ERICH4: variants seen among roughly 807,000 people sequenced by gnomAD.
The protein encoded by ERICH4 is glutamate rich 4.
Under a neutral mutation model 5.2 loss-of-function variants are expected in ERICH4, and 4 were observed. That is an observed-to-expected ratio of 0.77 (90% CI 0.38 to 1.76). ERICH4 has a LOEUF of 1.76. ERICH4 is among the 40% of genes most tolerant of loss of function. The pLI is 0.04. For missense variants in ERICH4, 164 were observed against 159.8 expected (o/e 1.03, Z -0.14); for synonymous variants, 75 against 68.7 (o/e 1.09, Z -0.45).
rs532054835 is a variant in ERICH4, at chr19:41,444,741, A to G, written c.*517A>G. 6.4e-6 allele frequency: 1 copy of G among 157,096 alleles called. No individual in the cohort carries two copies. The highest frequency in any genetic ancestry group is 2.4e-5 in the African/African-American group (1 of 41,578). The allele number at this position is 157,096 out of a possible 1,614,324, so 9.7% of individuals were successfully genotyped here. The stretch of plus-strand genomic sequence containing the variant: ...ATAATAATATTTTGAGCATATCAGT[A>G]TTAGTAAAAATATTACTAAAATTAT... On this transcript the variant is annotated 3_prime_UTR_variant, in exon 2 of 2. Transcript: ENST00000378187.
Position 41,443,323 on chromosome 19 carries a change from C to T in ERICH4, c.154C>T (p.Leu52=). The change falls in exon 1 of 2, where the codon CTG becomes TTG. Residue 52 remains leucine (L), a synonymous_variant. Coordinates refer to ENST00000378187, the MANE Select transcript of ERICH4 (RefSeq NM_001130514.3). Reference sequence around the variant, plus strand: ...CACTGGAGGTGCCTGCGATAGTCTGCTGTGGATCAGGGAGGAGCTGGTGAG... The same window carrying T: ...CACTGGAGGTGCCTGCGATAGTCTGTTGTGGATCAGGGAGGAGCTGGTGAG... ...ADTGGACDSL[L]WIREELGNLR... is the part of the protein sequence containing the mutation. 7.7e-7 allele frequency: 1 copy of T among 1,297,908 alleles called. No individual in the cohort carries two copies. The highest frequency in any genetic ancestry group is 9.9e-7 in the Non-Finnish European group (1 of 1,011,924). 80.4% of individuals were successfully genotyped at this position (1,297,908 alleles called of 1,614,324 possible).
intron 1 of ERICH4, 167 bp from the exon 2 acceptor site, chr19:41,443,839 G>A: frequency 1.7e-6 from 1 of 598,922 alleles, no homozygotes; most frequent in Middle Eastern, 4.4e-4. Context: ...TAGAGATCAA[G>A]AGACACTCTG....
At position 41,444,466 on chromosome 19, in the gene ERICH4, G is replaced by A. The variant is rs1425655276; in HGVS notation, c.*242G>A. 1.1e-5 allele frequency: 6 copies of A among 562,878 alleles called. No homozygotes were observed. The highest frequency in any genetic ancestry group is 5.6e-5 in the African/African-American group (3 of 53,156). The allele number at this position is 562,878 out of a possible 1,614,324, so 34.9% of individuals were successfully genotyped here. A position where few individuals can be genotyped will look rare whatever the true frequency, so the allele number is the denominator to read the frequency against. On this transcript the variant is annotated 3_prime_UTR_variant, in exon 2 of 2. Transcript: ENST00000378187. ...TTGTAGAGAAGTTGCAGGTGCTTTCGCAGATGAGCCTCAGGTGTGCTGCTG... is the reference window on the plus strand; with the variant it reads ...TTGTAGAGAAGTTGCAGGTGCTTTCACAGATGAGCCTCAGGTGTGCTGCTG...
intron 1 of ERICH4, 146 bp downstream of exon 1, chr19:41,443,489 CAGACAT>C (rs2040135237): frequency 3.0e-6 from 2 of 657,626 alleles, no homozygotes; most frequent in African/African-American, 3.8e-5. Flanking sequence ...CACCGAGAGA[CAGACAT>C]AGAGTGAGGG....
In ERICH4 at chr19:41,443,193, T is replaced by G; in HGVS notation, c.24T>G (p.Asn8Lys). MELWRQLNQAGLVPPGLG... is the reference protein window; with the variant it reads MELWRQLKQAGLVPPGLG... ...CGATGGAACTGTGGAGGCAGCTGAA[T>G]CAGGCTGGACTGGTGCCTCCGGGGC... Residue 8 changes from asparagine (N) to lysine (K), a missense_variant, in exon 1 of 2, where the codon AAT becomes AAG. By Grantham distance (94) the Asn-to-Lys change is moderately conservative. Transcript: ENST00000378187. The G allele has an allele frequency of 6.7e-7, 1 of 1,482,164 alleles. No homozygotes were observed. The highest frequency in any genetic ancestry group is 9.0e-7 in the Non-Finnish European group (1 of 1,114,830). The allele number at this position is 1,482,164 out of a possible 1,614,324, so 91.8% of individuals were successfully genotyped here.
In ERICH4 at chr19:41,443,313, CG is replaced by C; in HGVS notation, c.145del (p.Asp49IlefsTer80). ...CAGGGGCAGACACTGGAGGTGCCTG[CG>C]ATAGTCTGCTGTGGATCAGGGAGGA... ...TAGADTGGAC[D>X]SLLWIREELG... is the part of the protein sequence containing the mutation. On this transcript the variant is annotated frameshift_variant, in exon 1 of 2. Transcript: ENST00000378187. LOFTEE classifies it low-confidence loss of function (END_TRUNC). 1 of 1,307,122 alleles carries C rather than the reference CG, an allele frequency of 7.7e-7. No individual in the cohort carries two copies. The highest frequency in any genetic ancestry group is 9.8e-7 in the Non-Finnish European group (1 of 1,016,812). The allele number at this position is 1,307,122 out of a possible 1,614,324, so 81.0% of individuals were successfully genotyped here. A position where few individuals can be genotyped will look rare whatever the true frequency, so the allele number is the denominator to read the frequency against.
In ERICH4 at chr19:41,444,424, G is replaced by A; in HGVS notation, c.*200G>A. On this transcript the variant is annotated 3_prime_UTR_variant, in exon 2 of 2. Transcript: ENST00000378187. Reference sequence around the variant, plus strand: ...TTGCAGATGACATGAGGATGTGTTTGGAGGTGATGTGGGAGGTTGTAGAGA... The same window carrying A: ...TTGCAGATGACATGAGGATGTGTTTAGAGGTGATGTGGGAGGTTGTAGAGA... 1 of 628,898 alleles carries A rather than the reference G, an allele frequency of 1.6e-6. No individual in the cohort carries two copies. The highest frequency in any genetic ancestry group is 2.8e-6 in the Non-Finnish European group (1 of 360,858). 39.0% of individuals were successfully genotyped at this position (628,898 alleles called of 1,614,324 possible). A position where few individuals can be genotyped will look rare whatever the true frequency, so the allele number is the denominator to read the frequency against.
chr19:41,444,556 A>T lies in ERICH4; in HGVS notation c.*332A>T. On this transcript the variant is annotated 3_prime_UTR_variant, in exon 2 of 2. Coordinates refer to ENST00000378187, the MANE Select transcript of ERICH4 (RefSeq NM_001130514.3). ...ATGCGATTTCAGATCAACGCTGTCCAGTATGGTAGCCACCGGACACACATG... is the reference window on the plus strand; with the variant it reads ...ATGCGATTTCAGATCAACGCTGTCCTGTATGGTAGCCACCGGACACACATG... 2.7e-6 allele frequency: 1 copy of T among 365,684 alleles called. No individual in the cohort carries two copies. 22.7% of individuals were successfully genotyped at this position (365,684 alleles called of 1,614,324 possible).
intron 1 of ERICH4, 61 bp downstream of exon 1, chr19:41,443,404 CAA>C (rs2040134315): frequency 3.2e-6 from 4 of 1,254,044 alleles, no homozygotes; most frequent in Non-Finnish European, 4.1e-6. Context: ...TGGAAATGAA[CAA>C]AAATAGAGAA....
In ERICH4 at chr19:41,444,414, G is replaced by A; in HGVS notation, c.*190G>A. ...ATGGGTGTGTTTGCAGATGACATGA[G>A]GATGTGTTTGGAGGTGATGTGGGAG... is the stretch of plus-strand genomic sequence containing the variant. On this transcript the variant is annotated 3_prime_UTR_variant, in exon 2 of 2. Transcript: ENST00000378187. 1 of 646,328 alleles carries A rather than the reference G, an allele frequency of 1.5e-6. No homozygotes were observed. The highest frequency in any genetic ancestry group is 2.7e-6 in the Non-Finnish European group (1 of 372,664). The allele number at this position is 646,328 out of a possible 1,614,324, so 40.0% of individuals were successfully genotyped here.
rs1555773563 is a variant in ERICH4, at chr19:41,444,139, A to T, written c.308A>T (p.Asp103Val). 15 of 1,552,018 alleles carry T rather than the reference A, an allele frequency of 9.7e-6. No individual in the cohort carries two copies. The stretch of plus-strand genomic sequence containing the variant: ...GAGAGCAGCAAGGAAGAGGAGGAGG[A>T]TCAAGAGCCCCAGAGGAAGCAGGAG... ...EEESSKEEEE[D>V]QEPQRKQEEE... Residue 103 changes from aspartate (D) to valine (V), a missense_variant, in exon 2 of 2, where the codon GAT (aspartate) becomes GTT (valine). Transcript: ENST00000378187.
rs782487252 is a variant in ERICH4 at position 41,443,176 on chromosome 19, C to A, written c.7C>A (p.Leu3Met). ...CAGCCATAGCTCAGAGACGATGGAACTGTGGAGGCAGCTGAATCAGGCTGG... is the reference window on the plus strand; with the variant it reads ...CAGCCATAGCTCAGAGACGATGGAAATGTGGAGGCAGCTGAATCAGGCTGG... ME[L>M]WRQLNQAGLV... The change falls in exon 1 of 2, where the codon CTG (leucine) becomes ATG (methionine). Residue 3 changes from leucine to methionine, a missense_variant. Coordinates refer to ENST00000378187, the MANE Select transcript of ERICH4 (RefSeq NM_001130514.3). 4.8e-6 allele frequency: 7 copies of A among 1,471,376 alleles called. No homozygotes were observed. The highest frequency in any genetic ancestry group is 2.4e-5 in the Admixed American group (1 of 40,892). 91.1% of individuals were successfully genotyped at this position (1,471,376 alleles called of 1,614,324 possible).
Position 41,444,121 on chromosome 19 carries a change from G to C in ERICH4, c.290G>C (p.Ser97Thr). ...ATATTGGAGGAGGAGGAGGAGAGCA[G>C]CAAGGAAGAGGAGGAGGATCAAGAG... ...VTILEEEEESSKEEEEDQEPQ... is the reference protein window; with the variant it reads ...VTILEEEEESTKEEEEDQEPQ... The change falls in exon 2 of 2, where the codon AGC becomes ACC. Residue 97 changes from serine (S) to threonine (T), a missense_variant. Ser to Thr is a moderately conservative substitution (Grantham distance 58). Coordinates refer to ENST00000378187, the MANE Select transcript of ERICH4 (RefSeq NM_001130514.3). 6.4e-7 allele frequency: 1 copy of C among 1,552,028 alleles called. No homozygotes were observed. Among genetic ancestry groups the C allele is most frequent in the Non-Finnish European group, 8.7e-7 (1 of 1,147,044 alleles).
chr19:41,443,182 A>G lies in ERICH4; in HGVS notation c.13A>G (p.Arg5Gly). Residue 5 changes from arginine to glycine, a missense_variant, in exon 1 of 2, where the codon AGG (arginine) becomes GGG (glycine). By Grantham distance (125) the Arg-to-Gly change is moderately radical. Transcript: ENST00000378187. MELWRQLNQAGLVPP... is the reference protein window; with the variant it reads MELWGQLNQAGLVPP... The stretch of plus-strand genomic sequence containing the variant: ...TAGCTCAGAGACGATGGAACTGTGG[A>G]GGCAGCTGAATCAGGCTGGACTGGT... 2 of 1,477,942 alleles carry G rather than the reference A, an allele frequency of 1.4e-6. No individual in the cohort carries two copies. The highest frequency in any genetic ancestry group is 1.8e-6 in the Non-Finnish European group (2 of 1,112,562). 91.6% of individuals were successfully genotyped at this position (1,477,942 alleles called of 1,614,324 possible). A position where few individuals can be genotyped will look rare whatever the true frequency, so the allele number is the denominator to read the frequency against.
At chr19:41,443,471 T>G in intron 1 of ERICH4, 128 bp downstream of exon 1, 2 of 749,750 alleles carry the variant, frequency 2.7e-6, no homozygotes, top group African/African-American at 3.7e-5. Flanking sequence ...ATGAGAGGCA[T>G]GTACAGACAC....
Position 41,444,340 on chromosome 19 carries a change from C to A in ERICH4, c.*116C>A. ...ATCAAGTATACCCCTTTAGTAAGTGCTTTCTCTGAAGGTGCCTGCAATGAT... is the reference window on the plus strand; with the variant it reads ...ATCAAGTATACCCCTTTAGTAAGTGATTTCTCTGAAGGTGCCTGCAATGAT... On this transcript the variant is annotated 3_prime_UTR_variant, in exon 2 of 2. Transcript: ENST00000378187. The A allele has an allele frequency of 8.7e-7, 1 of 1,145,006 alleles. No homozygotes were observed. The highest frequency in any genetic ancestry group is 1.3e-6 in the Non-Finnish European group (1 of 793,152). The allele number at this position is 1,145,006 out of a possible 1,614,324, so 70.9% of individuals were successfully genotyped here. A position where few individuals can be genotyped will look rare whatever the true frequency, so the allele number is the denominator to read the frequency against.
chr19:41,443,482 C>G, intron 1 of ERICH4, 139 bp downstream of exon 1: 2 of 680,254 alleles, frequency 2.9e-6, no homozygotes, highest in East Asian at 6.8e-5. Context: ...GTACAGACAC[C>G]GAGAGACAGA....
At position 41,443,375 on chromosome 19, in the gene ERICH4, G is replaced by C. The variant is rs2040134086; in HGVS notation, c.174+32G>C. The C allele has an allele frequency of 2.3e-6, 3 of 1,291,088 alleles. No homozygotes were observed. In the Admixed American group the frequency reaches 1.2e-4, roughly 50 times the overall value. 80.0% of individuals were successfully genotyped at this position (1,291,088 alleles called of 1,614,324 possible). A position where few individuals can be genotyped will look rare whatever the true frequency, so the allele number is the denominator to read the frequency against. On this transcript the variant is annotated intron_variant, in intron 1 of 1. Transcript: ENST00000378187. ...GAGGGGTTTGGAAGGGAAAGAGAAA[G>C]AGAGGAAATGAGAATGAATGGAAAT...
Position 41,444,095 on chromosome 19 carries a change from C to T in ERICH4, c.264C>T (p.Thr88=), listed in dbSNP as rs1555773551. Residue 88 remains threonine, a synonymous_variant, in exon 2 of 2, where the codon ACC becomes ACT. Transcript: ENST00000378187. The part of the protein sequence containing the change: ...EMGALREELV[T]ILEEEEESSK... ...GGGCGCTGCGGGAGGAACTGGTCAC[C>T]ATATTGGAGGAGGAGGAGGAGAGCA... 1 of 1,551,778 alleles carries T rather than the reference C, an allele frequency of 6.4e-7. No individual in the cohort carries two copies.
Sources: allele counts gnomAD v4.1 joint callset, GRCh38; gene constraint gnomAD v4.1.1; transcripts MANE v1.5; gene names NCBI Gene and HGNC (gene_info 2026-07-23, HGNC 2026-07-21).